SMARCC2: variants seen among roughly 807,000 people sequenced by gnomAD.
SMARCC2 encodes the protein SWI/SNF complex subunit SMARCC2.
SMARCC2 carries 15 observed loss-of-function variants against 151.3 expected under a neutral mutation model. The observed-to-expected ratio is 0.10, with a 90% CI of 0.07 to 0.15. SMARCC2 has a LOEUF of 0.15. Ranked by LOEUF, SMARCC2 falls within the 10% of genes least tolerant of loss-of-function variation. The pLI, the probability that SMARCC2 is intolerant of heterozygous loss-of-function variation, is 1.00. For missense variants in SMARCC2, 1,031 were observed against 1,599.7 expected (o/e 0.64, Z 6.06); for synonymous variants, 590 against 609.5 (o/e 0.97, Z 0.47).
rs767594606 is a variant in SMARCC2 at position 56,178,068 on chromosome 12, G to A, written c.1336C>T (p.Leu446Phe). The change falls in exon 15 of 29, where the codon CTC becomes TTC. Residue 446 changes from leucine to phenylalanine, a missense_variant. Around this residue, in one of 12 missense-constraint regions of SMARCC2, gnomAD observed 51 missense variants for 135.1 expected, o/e 0.38. Transcript: ENST00000550164. ...NSVHAIERRA[L>F]PEFFNGKNKS... ...TTCTTGCCGTTGAAGAACTCGGGGA[G>A]AGCCCTCCGCTCAATGGCATGAACA... 5 of 1,613,722 alleles carry A rather than the reference G, an allele frequency of 3.1e-6. No homozygotes were observed. Among genetic ancestry groups the A allele is most frequent in the Non-Finnish European group, 4.2e-6 (5 of 1,179,696 alleles).
chr12:56,162,910 T>C lies in SMARCC2; in HGVS notation c.*779A>G, dbSNP rs972980812. On this transcript the variant is annotated 3_prime_UTR_variant, in exon 29 of 29. Coordinates refer to ENST00000550164, the MANE Select transcript of SMARCC2 (RefSeq NM_001330288.2). ...GAGAACAGCCCCCAGTGCCCTTTCT[T>C]CTCCTATTACCTACCACAGAAATCC... The C allele has an allele frequency of 6.6e-6, 1 of 152,400 alleles. No individual in the cohort carries two copies. 9.4% of individuals were successfully genotyped at this position (152,400 alleles called of 1,614,324 possible).
chr12:56,177,373 T>C lies in SMARCC2; in HGVS notation c.1382+649A>G, dbSNP rs969134232. 2.0e-5 allele frequency among the ~76,000 whole-genome samples: 3 copies of C among 152,338 alleles called. No homozygotes were observed. In the East Asian group the frequency reaches 5.8e-4, roughly 29 times the overall value. ...AATCTTCCCATTTCAGCTTCCGAAG[T>C]AGCTGGGACCACAGGTATGCCCCAC... On this transcript the variant is annotated intron_variant, in intron 15 of 28. Transcript: ENST00000550164.
rs1592284381 is a variant in SMARCC2 at position 56,169,849 on chromosome 12, G to A, written c.2475C>T (p.Pro825=). ...CTTTCCCTTTCTCCTCATCCTTCTT[G>A]GGAGCCTCGCTGGTTTTCTCTTTTG... ...EEAKEKTSEA[P]KKDEEKGKEG... Residue 825 remains proline (P), a synonymous_variant, in exon 24 of 29, where the codon CCC becomes CCT. Coordinates refer to ENST00000550164, the MANE Select transcript of SMARCC2 (RefSeq NM_001330288.2). The A allele has an allele frequency of 6.2e-7, 1 of 1,613,872 alleles. No homozygotes were observed. Among genetic ancestry groups the A allele is most frequent in the South Asian group, 1.1e-5 (1 of 91,048 alleles).
chr12:56,180,532 T>G (rs1033319986), intron 11 of SMARCC2, among the ~76,000 whole-genome samples: 3 of 151,638 alleles, frequency 2.0e-5, no homozygotes, highest in Admixed American at 2.0e-4. Context: ...GTCTCCCGAG[T>G]AGCTGGGATT....
In SMARCC2 at chr12:56,174,724, G is replaced by A. The variant is rs753164693; in HGVS notation, c.1423C>T (p.Leu475=). The A allele has an allele frequency of 1.9e-5, 31 of 1,613,862 alleles. No homozygotes were observed. Among genetic ancestry groups the A allele is most frequent in the Non-Finnish European group, 2.6e-5 (31 of 1,179,906 alleles). The change falls in exon 16 of 29, where the codon CTG becomes TTG. Residue 475 remains leucine, a synonymous_variant. Coordinates refer to ENST00000550164, the MANE Select transcript of SMARCC2 (RefSeq NM_001330288.2). ...YRNFMIDTYR[L]NPQEYLTSTA... is the part of the protein sequence containing the mutation. ...GAGGTAAGATACTCTTGGGGGTTCA[G>A]TCGGTAAGTGTCAATCATAAAGTTT...
Position 56,163,754 on chromosome 12 carries a change from GGGTGCCTGGGTCTGTGGA to G in SMARCC2, c.3662-7_3672del. ...GGGGCTGTGGGGTCTGGAGGCAGGG[GGGTGCCTGGGTCTGTGGA>G]GAAAAGGAAGATAAATCAGTTAGAG... On this transcript the variant is annotated splice_acceptor_variant and splice_polypyrimidine_tract_variant and coding_sequence_variant and intron_variant, in exon 29 of 29. Coordinates refer to ENST00000550164, the MANE Select transcript of SMARCC2 (RefSeq NM_001330288.2). LOFTEE classifies it high-confidence loss of function. The G allele has an allele frequency of 6.6e-7, 1 of 1,512,662 alleles. No homozygotes were observed. The highest frequency in any genetic ancestry group is 8.8e-7 in the Non-Finnish European group (1 of 1,140,418). 93.7% of individuals were successfully genotyped at this position (1,512,662 alleles called of 1,614,324 possible).
At chr12:56,179,699 T>G (rs1367973574) in intron 11 of SMARCC2, among the ~76,000 whole-genome samples, 1 of 152,234 alleles carries the variant, frequency 6.6e-6, no homozygotes, top group African/African-American at 2.4e-5. Context: ...TTTGTTTTGT[T>G]TTTTTGAGAC....
At chr12:56,172,767 A>G in intron 18 of SMARCC2, 63 bp from the exon 19 acceptor site, 1 of 1,606,752 alleles carries the variant, frequency 6.2e-7, no homozygotes, top group Non-Finnish European at 8.5e-7. Flanking sequence ...GGGCTGACAG[A>G]GAGAAAAAAC....
In SMARCC2 at chr12:56,181,780, T is replaced by C. The variant is rs1565917740; in HGVS notation, c.764A>G (p.Glu255Gly). The change falls in exon 9 of 29, where the codon GAA (glutamate) becomes GGA (glycine). Residue 255 changes from glutamate (E) to glycine (G), a missense_variant. Physicochemically the swap from Glu to Gly is moderately conservative, Grantham distance 98. Around this residue, in one of 12 missense-constraint regions of SMARCC2, gnomAD observed 123 missense variants for 190.4 expected, o/e 0.65. Transcript: ENST00000550164. ...TTTGTCATCATTTACTTCATAGTCT[T>C]CCTCATTCATCCATTCATTGAAGGT... ...TDTFNEWMNE[E>G]DYEVNDDKNP... 1 of 1,614,144 alleles carries C rather than the reference T, an allele frequency of 6.2e-7. No individual in the cohort carries two copies. The highest frequency in any genetic ancestry group is 8.5e-7 in the Non-Finnish European group (1 of 1,179,986).
chr12:56,165,757 C>A, intron 26 of SMARCC2, 58 bp from the exon 27 acceptor site: 1 of 1,519,362 alleles, frequency 6.6e-7, no homozygotes. Context: ...AAGGCAAATG[C>A]CTCAACCCCT....
chr12:56,173,181 C>T (rs1874280953), intron 17 of SMARCC2, 152 bp from the exon 18 acceptor site: 2 of 649,726 alleles, frequency 3.1e-6, no homozygotes, highest in East Asian at 2.7e-5. Context: ...TAAGACATGT[C>T]GTTGGCATGA....
At position 56,170,188 on chromosome 12, in the gene SMARCC2, C is replaced by G; in HGVS notation, c.2368G>C (p.Ala790Pro). The G allele has an allele frequency of 1.9e-6, 3 of 1,613,832 alleles. No homozygotes were observed. The highest frequency in any genetic ancestry group is 2.5e-6 in the Non-Finnish European group (3 of 1,179,782). The change falls in exon 23 of 29, where the codon GCT becomes CCT. Residue 790 changes from alanine to proline, a missense_variant. Around this residue, in one of 12 missense-constraint regions of SMARCC2, gnomAD observed 119 missense variants for 184.2 expected, o/e 0.65. Coordinates refer to ENST00000550164, the MANE Select transcript of SMARCC2 (RefSeq NM_001330288.2). ...TCTGTGGCCTGGCCTTCCACCCGAG[C>G]CTCGTCATTCCCGCTCTCCTCTGGG... ...ERIEESGNDE[A>P]RVEGQATDEK...
At chr12:56,170,265 T>TA in intron 22 of SMARCC2, 57 bp from the exon 23 acceptor site, 4 of 1,391,280 alleles carry the variant, frequency 2.9e-6, no homozygotes, top group Non-Finnish European at 3.9e-6. Flanking sequence ...GTCGTCTGTG[T>TA]CTAACACTTT....
rs759534378 is a variant in SMARCC2, at chr12:56,165,334, G to A, written c.3216C>T (p.Pro1072=). 1.3e-6 allele frequency: 2 copies of A among 1,495,322 alleles called. No individual in the cohort carries two copies. The highest frequency in any genetic ancestry group is 2.8e-5 in the South Asian group (2 of 72,162). The allele number at this position is 1,495,322 out of a possible 1,614,324, so 92.6% of individuals were successfully genotyped here. A position where few individuals can be genotyped will look rare whatever the true frequency, so the allele number is the denominator to read the frequency against. ...AACACTTACCATGGGGTCCAGGGGG[G>A]GGAACCCCTGGTGGGACTGCCCCAG... is the stretch of plus-strand genomic sequence containing the variant. The part of the protein sequence containing the change: ...PQPGAVPPGV[P]PPGPHGPSPF... The change falls in exon 27 of 29, where the codon CCC becomes CCT. Residue 1072 remains proline, a synonymous_variant. Transcript: ENST00000550164.
chr12:56,185,860 T>G, intron 3 of SMARCC2: 1 of 387,138 alleles, frequency 2.6e-6, no homozygotes, highest in Non-Finnish European at 4.6e-6. Flanking sequence ...GGTTCACTGA[T>G]CTCAACTCCA....
chr12:56,176,118 A>C (rs191952149), intron 15 of SMARCC2, among the ~76,000 whole-genome samples: 3 of 152,212 alleles, frequency 2.0e-5, no homozygotes, highest in Admixed American at 1.3e-4. Context: ...GGGCCTCCCA[A>C]AGTGCTGGAA....
In SMARCC2 at chr12:56,164,745, T is replaced by A; in HGVS notation, c.3233-14A>T. 1.3e-6 allele frequency: 2 copies of A among 1,578,388 alleles called. No individual in the cohort carries two copies. Among genetic ancestry groups the A allele is most frequent in the South Asian group, 1.1e-5 (1 of 87,662 alleles). On this transcript the variant is annotated splice_polypyrimidine_tract_variant and intron_variant, in intron 27 of 28. Transcript: ENST00000550164. ...ACGGTGAGGGGCCTGAGAATAAAGATGAGAGATGGAGAAAATTAGGTATAA... is the reference window on the plus strand; with the variant it reads ...ACGGTGAGGGGCCTGAGAATAAAGAAGAGAGATGGAGAAAATTAGGTATAA...
In SMARCC2 at chr12:56,178,838, T is replaced by C. The variant is rs904743574; in HGVS notation, c.1151A>G (p.Glu384Gly). ...GGTMTDLDEQ[E>G]DESMETTGKD... ...GCCCGTCGTCTCCATGCTTTCATCT[T>C]CCTGTTCATCTGAAAGAGAAAAACC... Residue 384 changes from glutamate to glycine, a missense_variant, in exon 13 of 29, where the codon GAA (glutamate) becomes GGA (glycine). By Grantham distance (98) the Glu-to-Gly change is moderately conservative (BLOSUM62 -2). Coordinates refer to ENST00000550164, the MANE Select transcript of SMARCC2 (RefSeq NM_001330288.2). 1 of 1,614,102 alleles carries C rather than the reference T, an allele frequency of 6.2e-7. No individual in the cohort carries two copies. The highest frequency in any genetic ancestry group is 8.5e-7 in the Non-Finnish European group (1 of 1,179,968).
chr12:56,168,988 CATAA>C (rs911721849), intron 25 of SMARCC2, among the ~76,000 whole-genome samples: 1 of 151,428 alleles, frequency 6.6e-6, no homozygotes, highest in African/African-American at 2.4e-5. Context: ...TCAAAAAATA[CATAA>C]ATAAATAAAC....
Sources: allele counts gnomAD v4.1 joint callset (sites outside exome capture counted in the v4.1 genomes callset), GRCh38; gene constraint gnomAD v4.1.1; regional missense constraint gnomAD v4.1.1; transcripts MANE v1.5; gene names NCBI Gene and HGNC (gene_info 2026-07-23, HGNC 2026-07-21).